The following MTUS2 variants were observed in gnomAD, a reference collection of about 807,000 sequenced individuals.
MTUS2 encodes the protein microtubule associated scaffold protein 2.
A neutral mutation model predicts 114.1 loss-of-function variants in MTUS2; 40 were observed. The ratio of observed to expected loss-of-function variants is 0.35; its 90% CI spans 0.27 to 0.46. The LOEUF is 0.46. Among genes scored for constraint, MTUS2 ranks in the 20% least tolerant of loss-of-function variants. The pLI is 1.00. For missense variants in MTUS2, 1,679 were observed against 1,705.4 expected (o/e 0.98, Z 0.27); for synonymous variants, 688 against 672.0 (o/e 1.02, Z -0.37).
intron 5 of MTUS2, among the ~76,000 whole-genome samples, chr13:29,172,952 A>C (rs1208052270): frequency 6.6e-6 from 1 of 152,188 alleles, no homozygotes; most frequent in Non-Finnish European, 1.5e-5. Context: ...CTTTCTAAAA[A>C]TAGATTTTTC....
At chr13:28,854,964 A>T (rs1876527657) in intron 2 of MTUS2, among the ~76,000 whole-genome samples, 1 of 151,958 alleles carries the variant, frequency 6.6e-6, no homozygotes, top group Non-Finnish European at 1.5e-5. Flanking sequence ...TTGTCCCTTT[A>T]GCTCAGGGGT....
At chr13:29,449,201 A>T (rs954796078) in intron 9 of MTUS2, among the ~76,000 whole-genome samples, 1 of 152,224 alleles carries the variant, frequency 6.6e-6, no homozygotes, top group African/African-American at 2.4e-5. Context: ...ATAGAAAAAA[A>T]TTTTGAGAGC....
intron 8 of MTUS2, among the ~76,000 whole-genome samples, chr13:29,400,915 C>T (rs1874286236): frequency 6.6e-6 from 1 of 152,212 alleles, no homozygotes; most frequent in Non-Finnish European, 1.5e-5. Flanking sequence ...TCATCTTTTG[C>T]ATATTGATTT....
At chr13:28,956,660 A>G (rs1883082168) in intron 2 of MTUS2, among the ~76,000 whole-genome samples, 1 of 152,212 alleles carries the variant, frequency 6.6e-6, no homozygotes, top group African/African-American at 2.4e-5. Context: ...ACACCAATGA[A>G]ACAAACACTG....
intron 6 of MTUS2, among the ~76,000 whole-genome samples, chr13:29,323,385 G>T (rs1365704805): frequency 1.3e-5 from 2 of 151,988 alleles, no homozygotes; most frequent in Admixed American, 6.6e-5. Flanking sequence ...GTGTAGCTGG[G>T]ACTACAGGTG....
intron 2 of MTUS2, among the ~76,000 whole-genome samples, chr13:28,988,955 G>T (rs1884703645): frequency 1.3e-5 from 2 of 152,192 alleles, no homozygotes; most frequent in South Asian, 4.1e-4. Flanking sequence ...GGAAGATGTT[G>T]CTCATTTAGC....
At chr13:29,371,168 C>G (rs888559789) in intron 8 of MTUS2, among the ~76,000 whole-genome samples, 3 of 151,668 alleles carry the variant, frequency 2.0e-5, no homozygotes, top group Non-Finnish European at 2.9e-5. Context: ...CACTGATATG[C>G]TTTTTATTTT....
chr13:28,972,082 ACT>A lies in MTUS2; in HGVS notation c.-242-52372_-242-52371del, dbSNP rs1172070645. Reference sequence around the variant, plus strand: ...TGGCATTGAGTCTGGGGGTGTTAAAACTCTGCACGCAGAACAACTATTGAGGA... The same window carrying A: ...TGGCATTGAGTCTGGGGGTGTTAAAACTGCACGCAGAACAACTATTGAGGA... On this transcript the variant is annotated intron_variant, in intron 2 of 15. Transcript: ENST00000612955. Among the ~76,000 whole-genome samples the A allele has an allele frequency of 3.9e-5, 6 of 152,288 alleles. No individual in the cohort carries two copies. In the East Asian group the frequency reaches 1.2e-3, roughly 29 times the overall value.
At chr13:29,404,957 G>A (rs1402654028) in intron 8 of MTUS2, among the ~76,000 whole-genome samples, 1 of 152,228 alleles carries the variant, frequency 6.6e-6, no homozygotes, top group East Asian at 1.9e-4. Flanking sequence ...CTGGAGACGT[G>A]CAGCGATGAC....
At chr13:28,948,943 G>A (rs1319533102) in intron 2 of MTUS2, among the ~76,000 whole-genome samples, 2 of 152,044 alleles carry the variant, frequency 1.3e-5, no homozygotes, top group Non-Finnish European at 2.9e-5. Flanking sequence ...GTTCTGGGAG[G>A]GCTACCAATT....
chr13:28,896,745 C>T (rs1275894050), intron 2 of MTUS2, among the ~76,000 whole-genome samples: 1 of 152,160 alleles, frequency 6.6e-6, no homozygotes, highest in Non-Finnish European at 1.5e-5. Context: ...AGAAATAATG[C>T]TGCATATCTA....
At chr13:28,949,541 G>T (rs562091924) in intron 2 of MTUS2, among the ~76,000 whole-genome samples, 33 of 152,242 alleles carry the variant, frequency 2.2e-4, no homozygotes, top group African/African-American at 7.9e-4. Flanking sequence ...TAAATTCACA[G>T]TATTGTGTAA....
chr13:28,965,029 T>G (rs1299831065), intron 2 of MTUS2, among the ~76,000 whole-genome samples: 1 of 152,110 alleles, frequency 6.6e-6, no homozygotes, highest in Non-Finnish European at 1.5e-5. Context: ...AATCACCCCA[T>G]GGCATATGTG....
rs375058702 is a variant in MTUS2, at chr13:29,498,605, G to A, written c.3798+68G>A. 8.2e-5 allele frequency: 130 copies of A among 1,591,258 alleles called. 1 individual carries two copies. Among genetic ancestry groups the A allele is most frequent in the African/African-American group, 7.0e-4 (52 of 74,586 alleles). The stretch of plus-strand genomic sequence containing the variant: ...TCCTGCTGTCATCACTGATGTCATC[G>A]TTGATGGTGTTCAGCCAGGTGTGTC... On this transcript the variant is annotated intron_variant, in intron 14 of 15. Coordinates refer to ENST00000612955, the MANE Select transcript of MTUS2 (RefSeq NM_001033602.4).
intron 8 of MTUS2, among the ~76,000 whole-genome samples, chr13:29,370,422 G>A (rs748752500): frequency 1.3e-5 from 2 of 152,098 alleles, no homozygotes; most frequent in South Asian, 2.1e-4. Flanking sequence ...GATTGCACCC[G>A]TGAATAGCCT....
chr13:29,238,013 T>A (rs1367981028), intron 5 of MTUS2, among the ~76,000 whole-genome samples: 2 of 151,906 alleles, frequency 1.3e-5, no homozygotes, highest in Non-Finnish European at 2.9e-5. Context: ...AGTATGGAGG[T>A]TCCTCAAAAA....
At chr13:29,468,439 TGTG>T (rs1880042653) in intron 9 of MTUS2, among the ~76,000 whole-genome samples, 1 of 152,094 alleles carries the variant, frequency 6.6e-6, no homozygotes, top group Admixed American at 6.6e-5. Flanking sequence ...AGTAGCCAGT[TGTG>T]GTGGCGGGCA....
chr13:29,105,693 G>A (rs1255532295), intron 5 of MTUS2, among the ~76,000 whole-genome samples: 1 of 148,512 alleles, frequency 6.7e-6, no homozygotes, highest in African/African-American at 2.5e-5. Flanking sequence ...TCAGATGATA[G>A]GGAAGTAGGG....
At chr13:29,110,416 AG>A (rs1186561493) in intron 5 of MTUS2, among the ~76,000 whole-genome samples, 35 of 152,262 alleles carry the variant, frequency 2.3e-4, no homozygotes, top group African/African-American at 8.2e-4. Context: ...AAAAGAGAAG[AG>A]TGAGAACAAA....
Sources: gnomAD v4.1 joint callset for allele counts (sites outside exome capture counted in the v4.1 genomes callset) on GRCh38, gnomAD v4.1.1 for gene constraint, MANE v1.5 for transcripts, NCBI Gene and HGNC (gene_info 2026-07-23, HGNC 2026-07-21) for gene names.